The following CEP128 variants were observed in gnomAD, a reference collection of about 807,000 sequenced individuals.
CEP128 encodes the protein centrosomal protein 128kDa.
Under a neutral mutation model 156.7 loss-of-function variants are expected in CEP128, and 132 were observed. The ratio of observed to expected loss-of-function variants is 0.84; its 90% CI spans 0.73 to 0.97. The LOEUF (loss-of-function observed/expected upper bound fraction) is 0.97, where lower values mean the gene tolerates loss of function less well. Among genes scored for constraint, CEP128 ranks in the 50% least tolerant of loss-of-function variants. The pLI, the probability that CEP128 is intolerant of heterozygous loss-of-function variation, is 0.00. For missense variants in CEP128, 1,252 were observed against 1,281.9 expected (o/e 0.98, Z 0.36); for synonymous variants, 469 against 448.9 (o/e 1.04, Z -0.57).
rs567494672 is a variant in CEP128, at chr14:80,874,734, C to CAG, written c.646-11863_646-11862dup. On this transcript the variant is annotated intron_variant, in intron 8 of 24. Transcript: ENST00000555265. ...CCGGGTTCACGCCATTCTCCCACCT[C>CAG]AGCCTCCTGAGTAGCTGGGACTACA... Among the ~76,000 whole-genome samples, 969 of 152,282 alleles carry CAG rather than the reference C, an allele frequency of 6.4e-3. 40 individuals carry two copies. Among genetic ancestry groups the CAG allele is most frequent in the Admixed American group, 0.046 (704 of 15,304 alleles).
intron 19 of CEP128, among the ~76,000 whole-genome samples, chr14:80,623,598 A>AT (rs1181338015): frequency 9.2e-5 from 14 of 152,082 alleles, no homozygotes; most frequent in African/African-American, 3.4e-4. Context: ...ATAAAAATAT[A>AT]TATTTGCCAA....
chr14:80,643,344 G>A lies in CEP128; in HGVS notation c.2807-62921C>T, dbSNP rs181128960. Among the ~76,000 whole-genome samples, 358 of 152,252 alleles carry A rather than the reference G, an allele frequency of 2.4e-3. 2 individuals carry two copies. Among genetic ancestry groups the A allele is most frequent in the African/African-American group, 7.8e-3 (325 of 41,556 alleles). ...ATGCCCATCAATAATGGAGGCCAGC[G>A]GCACCACAGCAGTCAGCAGGGACAG... On this transcript the variant is annotated intron_variant, in intron 19 of 24. Coordinates refer to ENST00000555265, the MANE Select transcript of CEP128 (RefSeq NM_152446.5).
chr14:80,635,138 A>C (rs1894127560), intron 19 of CEP128, among the ~76,000 whole-genome samples: 2 of 152,206 alleles, frequency 1.3e-5, no homozygotes, highest in Admixed American at 6.5e-5. Flanking sequence ...CCTGCTTCTC[A>C]AGAGCCTTAT....
chr14:80,938,667 A>G (rs1047651418), intron 2 of CEP128, among the ~76,000 whole-genome samples: 5 of 152,206 alleles, frequency 3.3e-5, no homozygotes, highest in Non-Finnish European at 5.9e-5. Context: ...TATGTTGTAA[A>G]TTTAAACTTT....
chr14:80,888,172 C>T (rs919227871), intron 8 of CEP128, among the ~76,000 whole-genome samples: 1 of 151,918 alleles, frequency 6.6e-6, no homozygotes, highest in African/African-American at 2.4e-5. Flanking sequence ...AGGACCAGAC[C>T]GATTTACAGT....
rs912985316 is a variant in CEP128 at position 80,653,592 on chromosome 14, TTCA to T, written c.2807-73172_2807-73170del. On this transcript the variant is annotated intron_variant, in intron 19 of 24. Transcript: ENST00000555265. ...TAGAAAGGAGAAGTCGATGCTTGTC[TTCA>T]GAGTTTTAAAGGACAGGCTATCTTG... is the stretch of plus-strand genomic sequence containing the variant. 5.0e-3 allele frequency among the ~76,000 whole-genome samples: 756 copies of T among 152,270 alleles called. 14 individuals are homozygous for T. Among genetic ancestry groups the T allele is most frequent in the African/African-American group, 0.017 (711 of 41,558 alleles).
At chr14:80,832,005 T>C (rs1056292021) in intron 12 of CEP128, among the ~76,000 whole-genome samples, 12 of 152,158 alleles carry the variant, frequency 7.9e-5, no homozygotes, top group African/African-American at 2.7e-4. Flanking sequence ...TGGGAGGTAA[T>C]TGAATCATGG....
At chr14:80,850,149 T>A (rs1036899289) in intron 9 of CEP128, among the ~76,000 whole-genome samples, 1 of 152,194 alleles carries the variant, frequency 6.6e-6, no homozygotes, top group Non-Finnish European at 1.5e-5. Flanking sequence ...ACAGTTTTCA[T>A]GATAAATACA....
intron 21 of CEP128, among the ~76,000 whole-genome samples, chr14:80,546,266 G>C (rs552239457): frequency 2.4e-4 from 36 of 152,262 alleles, no homozygotes; most frequent in African/African-American, 8.4e-4. Context: ...ACACATGCAG[G>C]ATAAGAATTA....
At chr14:80,637,067 C>G (rs1894213642) in intron 19 of CEP128, among the ~76,000 whole-genome samples, 1 of 149,526 alleles carries the variant, frequency 6.7e-6, no homozygotes, top group Admixed American at 6.7e-5. Flanking sequence ...GCCTGGACAT[C>G]AAGAGCGAAA....
rs10550443 is a variant in CEP128, at chr14:80,646,514, AATAAT to A, written c.2807-66096_2807-66092del. On this transcript the variant is annotated intron_variant, in intron 19 of 24. Transcript: ENST00000555265. Reference sequence around the variant, plus strand: ...TGGGCAAAACATGCAGTTCTGAATCAATAATATAATATATCTTTAATGAATAGTAT... The same window carrying A: ...TGGGCAAAACATGCAGTTCTGAATCAATAATATATCTTTAATGAATAGTAT... Among the ~76,000 whole-genome samples the A allele has an allele frequency of 8.4e-3, 1,285 of 152,194 alleles. 26 individuals are homozygous for A. Among genetic ancestry groups the A allele is most frequent in the African/African-American group, 0.029 (1,198 of 41,542 alleles).
At chr14:80,754,459 CTTTTT>C (rs758603562) in intron 18 of CEP128, among the ~76,000 whole-genome samples, 5 of 104,804 alleles carry the variant, frequency 4.8e-5, no homozygotes, top group African/African-American at 1.9e-4. Flanking sequence ...ATGTCCTGTT[CTTTTT>C]TTTTTTTTTT....
rs1301835728 is a variant in CEP128 at position 80,812,746 on chromosome 14, GTA to G, written c.1209+18395_1209+18396del. Among the ~76,000 whole-genome samples, 5 of 152,268 alleles carry G rather than the reference GTA, an allele frequency of 3.3e-5. No homozygotes were observed. In the East Asian group the frequency reaches 9.6e-4, roughly 29 times the overall value. ...CACCTGGCTAATTTTTGTATTTTTAGTAGAGACGGGGTTTCACCATGTTGGTC... is the reference window on the plus strand; with the variant it reads ...CACCTGGCTAATTTTTGTATTTTTAGGAGACGGGGTTTCACCATGTTGGTC... On this transcript the variant is annotated intron_variant, in intron 13 of 24. Transcript: ENST00000555265.
chr14:80,761,307 T>A, intron 17 of CEP128, 130 bp downstream of exon 17: 6 of 656,398 alleles, frequency 9.1e-6, no homozygotes, highest in Non-Finnish European at 1.4e-5. Context: ...TTCTAAAAAA[T>A]GCAAAATGTT....
At chr14:80,484,723 G>C (rs531819306) in intron 14 of CEP128, among the ~76,000 whole-genome samples, 1 of 152,320 alleles carries the variant, frequency 6.6e-6, no homozygotes, top group African/African-American at 2.4e-5. Context: ...ACCACAGGGA[G>C]ATTTTAACTT....
intron 9 of CEP128, among the ~76,000 whole-genome samples, chr14:80,854,639 C>T (rs1887058117): frequency 6.6e-6 from 1 of 151,892 alleles, no homozygotes; most frequent in Non-Finnish European, 1.5e-5. Flanking sequence ...ATAAATAAGC[C>T]TGTATTGTAA....
intron 19 of CEP128, among the ~76,000 whole-genome samples, chr14:80,650,610 G>C (rs138630597): frequency 6.6e-6 from 1 of 152,116 alleles, no homozygotes; most frequent in Non-Finnish European, 1.5e-5. Flanking sequence ...CTAGTTTATT[G>C]AGAGTTTTTA....
chr14:80,683,048 C>T (rs370665127), intron 19 of CEP128, among the ~76,000 whole-genome samples: 4 of 151,988 alleles, frequency 2.6e-5, no homozygotes, highest in South Asian at 2.1e-4. Context: ...GCTCACAGAC[C>T]CTATAAAGCA....
chr14:80,919,068 A>T (rs1884710767), intron 2 of CEP128, among the ~76,000 whole-genome samples: 1 of 152,236 alleles, frequency 6.6e-6, no homozygotes, highest in Admixed American at 6.5e-5. Context: ...CACTGAAGTT[A>T]AGAAATCAGG....
Sources: gnomAD v4.1 joint callset for allele counts (sites outside exome capture counted in the v4.1 genomes callset) on GRCh38, gnomAD v4.1.1 for gene constraint, MANE v1.5 for transcripts, NCBI Gene and HGNC (gene_info 2026-07-23, HGNC 2026-07-21) for gene names.